FKBP5: variants seen among roughly 807,000 people sequenced by gnomAD.
The protein encoded by FKBP5 is peptidyl-prolyl cis-trans isomerase FKBP5.
In FKBP5, 23 loss-of-function variants were observed where a neutral mutation model predicts 50.5. That is an observed-to-expected ratio of 0.46 (90% CI 0.33 to 0.65). FKBP5 has a LOEUF of 0.65. Among genes scored for constraint, FKBP5 ranks in the 30% least tolerant of loss-of-function variants. The pLI, the probability that FKBP5 is intolerant of heterozygous loss-of-function variation, is 0.02. For missense variants in FKBP5, 411 were observed against 553.1 expected, an observed-to-expected ratio of 0.74 and a Z score of 2.58; for synonymous variants, 176 against 190.6, an observed-to-expected ratio of 0.92 and a Z score of 0.63.
At chr6:35,667,203 T>C (rs1216362540) in intron 1 of FKBP5, among the ~76,000 whole-genome samples, 1 of 152,198 alleles carries the variant, frequency 6.6e-6, no homozygotes. Context: ...CTACTAAAAG[T>C]GCTTAATGAG....
intron 1 of FKBP5, among the ~76,000 whole-genome samples, chr6:35,653,117 G>A (rs999273659): frequency 2.6e-5 from 4 of 152,162 alleles, no homozygotes; most frequent in African/African-American, 7.2e-5. Flanking sequence ...TCCCCACACC[G>A]AGGCGGGAGT....
chr6:35,699,865 G>A (rs1040286891), intron 2 of FKBP5, among the ~76,000 whole-genome samples: 2 of 152,142 alleles, frequency 1.3e-5, no homozygotes, highest in Non-Finnish European at 2.9e-5. Flanking sequence ...TGGTCAACAT[G>A]GCGAAACCCT....
chr6:35,706,194 C>A (rs558220453), intron 2 of FKBP5, among the ~76,000 whole-genome samples: 1 of 152,168 alleles, frequency 6.6e-6, no homozygotes, highest in South Asian at 2.1e-4. Context: ...GAGGCCGAGA[C>A]GGGCAGATCA....
intron 3 of FKBP5, among the ~76,000 whole-genome samples, chr6:35,632,884 C>T (rs370210054): frequency 2.0e-5 from 3 of 147,964 alleles, no homozygotes; most frequent in Admixed American, 6.8e-5. Context: ...AGTAAAACTC[C>T]GTCTCAGAAA....
At chr6:35,660,997 G>A (rs895713592) in intron 1 of FKBP5, among the ~76,000 whole-genome samples, 1 of 84,076 alleles carries the variant, frequency 1.2e-5, no homozygotes, top group Non-Finnish European at 2.7e-5. Flanking sequence ...GTTGCTTAGG[G>A]TTAGGGGAAA....
At chr6:35,636,529 C>T (rs1253521185) in intron 3 of FKBP5, among the ~76,000 whole-genome samples, 3 of 152,202 alleles carry the variant, frequency 2.0e-5, no homozygotes, top group African/African-American at 7.2e-5. Context: ...GTGCTCTACA[C>T]GTGCTTCCCT....
chr6:35,691,203 C>T (rs143755842), upstream of FKBP5, among the ~76,000 whole-genome samples: 19 of 152,018 alleles, frequency 1.2e-4, no homozygotes, highest in East Asian at 7.7e-4. Context: ...CAATGGAAGG[C>T]GCCAAGGAAA....
In FKBP5 at chr6:35,613,275, C is replaced by T. The variant is rs141179734; in HGVS notation, c.508+5821G>A. On this transcript the variant is annotated intron_variant, in intron 5 of 10. Coordinates refer to ENST00000357266, the MANE Select transcript of FKBP5 (RefSeq NM_004117.4). ...TGTCACCCAGGCTGGAGTGTAGTGG[C>T]GTAATCTCTGCTCACTGCAACCTCC... Among the ~76,000 whole-genome samples the T allele has an allele frequency of 3.2e-4, 48 of 152,144 alleles. No individual in the cohort carries two copies. The East Asian group carries it at 8.7e-3, about 28-fold the overall frequency.
chr6:35,669,355 T>A (rs1028073439), intron 1 of FKBP5, among the ~76,000 whole-genome samples: 8 of 152,204 alleles, frequency 5.3e-5, no homozygotes, highest in Non-Finnish European at 8.8e-5. Context: ...TTTTCTAGCA[T>A]TGCACAATAT....
chr6:35,647,329 C>T (rs946128388), intron 1 of FKBP5, among the ~76,000 whole-genome samples: 3 of 152,184 alleles, frequency 2.0e-5, no homozygotes, highest in Non-Finnish European at 4.4e-5. Flanking sequence ...TGATTTTACC[C>T]TATTTGGCCT....
At position 35,575,125 on chromosome 6, in the gene FKBP5, G is replaced by C. The variant is rs1353307686; in HGVS notation, c.*710C>G. ...TCATCTGCTCATTATCATTGCTGAAGGGTGTTTTAGGAATGACAGAATTAC... is the reference window on the plus strand; with the variant it reads ...TCATCTGCTCATTATCATTGCTGAACGGTGTTTTAGGAATGACAGAATTAC... On this transcript the variant is annotated 3_prime_UTR_variant, in exon 11 of 11. Coordinates refer to ENST00000357266, the MANE Select transcript of FKBP5 (RefSeq NM_004117.4). The C allele has an allele frequency of 1.3e-5, 2 of 152,174 alleles. No individual in the cohort carries two copies. The highest frequency in any genetic ancestry group is 4.8e-5 in the African/African-American group (2 of 41,432). 9.4% of individuals were successfully genotyped at this position (152,174 alleles called of 1,614,324 possible). A position where few individuals can be genotyped will look rare whatever the true frequency, so the allele number is the denominator to read the frequency against.
chr6:35,624,583 T>C (rs1027939290), intron 3 of FKBP5, among the ~76,000 whole-genome samples: 1 of 152,120 alleles, frequency 6.6e-6, no homozygotes, highest in African/African-American at 2.4e-5. Flanking sequence ...TCCTGGCTAA[T>C]ATGAGTGACT....
chr6:35,613,976 G>T (rs985690679), intron 5 of FKBP5, among the ~76,000 whole-genome samples: 1 of 152,084 alleles, frequency 6.6e-6, no homozygotes, highest in Non-Finnish European at 1.5e-5. Context: ...ACTCTCTGCA[G>T]CCTTGAACTC....
intron 1 of FKBP5, among the ~76,000 whole-genome samples, chr6:35,676,459 T>A (rs1316240338): frequency 6.6e-6 from 1 of 152,190 alleles, no homozygotes; most frequent in African/African-American, 2.4e-5. Flanking sequence ...AAATAAAGGC[T>A]CGGAATGGTT....
chr6:35,696,086 G>A (rs1488794700), intron 2 of FKBP5, among the ~76,000 whole-genome samples: 4 of 148,840 alleles, frequency 2.7e-5, no homozygotes, highest in East Asian at 2.0e-4. Flanking sequence ...CGGAGCTTGC[G>A]GTGAACCGAG....
At chr6:35,587,168 G>A in intron 7 of FKBP5, 51 bp from the exon 8 acceptor site, 2 of 1,493,962 alleles carry the variant, frequency 1.3e-6, no homozygotes, top group South Asian at 1.1e-5. Flanking sequence ...AAAAGCATCA[G>A]TTGAGGCCTA....
chr6:35,661,436 A>G (rs1419103244), intron 1 of FKBP5, among the ~76,000 whole-genome samples: 1 of 84,410 alleles, frequency 1.2e-5, no homozygotes, highest in Non-Finnish European at 2.7e-5. Context: ...TAACACTGCT[A>G]TGAACATTTT....
At chr6:35,580,912 C>A in intron 8 of FKBP5, 1 of 985,308 alleles carries the variant, frequency 1.0e-6, no homozygotes, top group Non-Finnish European at 1.2e-6. Flanking sequence ...AAGGAAGTTA[C>A]TTTTCTTTTC....
chr6:35,639,353 T>C (rs1376981047), intron 2 of FKBP5, among the ~76,000 whole-genome samples: 2 of 152,162 alleles, frequency 1.3e-5, no homozygotes, highest in Non-Finnish European at 2.9e-5. Context: ...AGCCTCATGG[T>C]GAAATCCGAG....
Sources: gnomAD v4.1 joint callset for allele counts (sites outside exome capture counted in the v4.1 genomes callset) on GRCh38, gnomAD v4.1.1 for gene constraint, MANE v1.5 for transcripts, NCBI Gene and HGNC (gene_info 2026-07-23, HGNC 2026-07-21) for gene names.